Variants in MGAT5 observed in about 807,000 individuals in gnomAD.
The protein encoded by MGAT5 is alpha-1,6-mannosylglycoprotein 6-beta-N-acetylglucosaminyltransferase.
Under a neutral mutation model 94.3 loss-of-function variants are expected in MGAT5, and 30 were observed. The observed-to-expected ratio is 0.32, with a 90% CI of 0.24 to 0.43. The LOEUF is 0.43. MGAT5 is among the 20% of genes least tolerant of loss of function. The pLI, the probability that MGAT5 is intolerant of heterozygous loss-of-function variation, is 1.00. For missense variants in MGAT5, 691 were observed against 905.5 expected, an observed-to-expected ratio of 0.76 and a Z score of 3.04; for synonymous variants, 310 against 322.9, an observed-to-expected ratio of 0.96 and a Z score of 0.43.
At chr2:134,156,101 G>A (rs1687464365) in intron 1 of MGAT5, among the ~76,000 whole-genome samples, 2 of 152,148 alleles carry the variant, frequency 1.3e-5, no homozygotes, top group South Asian at 2.1e-4. Flanking sequence ...ACGCAGGCCT[G>A]GCCTCTACTG....
intron 10 of MGAT5, among the ~76,000 whole-genome samples, chr2:134,386,714 C>G (rs34011781): frequency 0.18 from 27,616 of 152,164 alleles, 2,669 homozygotes; most frequent in Middle Eastern, 0.27. Flanking sequence ...CTAGTCTTTA[C>G]CTACTCCTAG....
chr2:134,297,703 C>T (rs1305577776), intron 2 of MGAT5, among the ~76,000 whole-genome samples: 2 of 151,980 alleles, frequency 1.3e-5, no homozygotes, highest in African/African-American at 4.8e-5. Flanking sequence ...TCTCAACAAA[C>T]TAGGAAAAAC....
chr2:134,282,751 A>G (rs538799301), intron 2 of MGAT5, among the ~76,000 whole-genome samples: 2 of 152,326 alleles, frequency 1.3e-5, no homozygotes, highest in Non-Finnish European at 2.9e-5. Context: ...AGGGTAAGAA[A>G]TTAGCGAAGG....
chr2:134,178,358 C>T (rs1367091138), intron 1 of MGAT5, among the ~76,000 whole-genome samples: 3 of 152,160 alleles, frequency 2.0e-5, no homozygotes, highest in African/African-American at 7.2e-5. Flanking sequence ...AGGAAGATGT[C>T]CACCCCCAGG....
chr2:134,398,370 A>G (rs1324572996), intron 10 of MGAT5, among the ~76,000 whole-genome samples: 1 of 152,172 alleles, frequency 6.6e-6, no homozygotes, highest in East Asian at 1.9e-4. Flanking sequence ...AGCACTTCCC[A>G]GGGAGGACTA....
intron 1 of MGAT5, among the ~76,000 whole-genome samples, chr2:134,267,926 G>T (rs554573244): frequency 6.6e-6 from 1 of 152,376 alleles, no homozygotes; most frequent in African/African-American, 2.4e-5. Context: ...TGTCTCCACA[G>T]AGGGGCAGTG....
chr2:134,252,023 T>C (rs1682635877), upstream of MGAT5, among the ~76,000 whole-genome samples: 1 of 152,238 alleles, frequency 6.6e-6, no homozygotes, highest in African/African-American at 2.4e-5. Flanking sequence ...TTTAGCATAA[T>C]GTCCTTCGGG....
chr2:134,285,177 G>A (rs1334091176), intron 2 of MGAT5, among the ~76,000 whole-genome samples: 2 of 151,948 alleles, frequency 1.3e-5, no homozygotes, highest in Non-Finnish European at 2.9e-5. Flanking sequence ...GCCAAGTTAT[G>A]TAGGAAATTT....
At chr2:134,337,018 T>C (rs1688373423) in intron 5 of MGAT5, among the ~76,000 whole-genome samples, 1 of 152,166 alleles carries the variant, frequency 6.6e-6, no homozygotes, top group African/African-American at 2.4e-5. Context: ...GTTCTGCCAT[T>C]GTAGCGCAGA....
intron 1 of MGAT5, among the ~76,000 whole-genome samples, chr2:134,187,460 C>T (rs1246427486): frequency 2.0e-5 from 3 of 152,180 alleles, no homozygotes; most frequent in African/African-American, 7.2e-5. Context: ...CTGCTACCTT[C>T]CCTATGATTT....
chr2:134,259,615 GC>G, intron 1 of MGAT5, among the ~76,000 whole-genome samples: 1 of 152,272 alleles, frequency 6.6e-6, no homozygotes, highest in South Asian at 2.1e-4. Context: ...ATCCCACTTT[GC>G]CTGCTGCCTG....
chr2:134,317,549 GA>G lies in MGAT5; in HGVS notation c.432del (p.Lys144AsnfsTer20). 1.3e-6 allele frequency: 2 copies of G among 1,569,920 alleles called. No individual in the cohort carries two copies. Among genetic ancestry groups the G allele is most frequent in the Non-Finnish European group, 1.7e-6 (2 of 1,159,942 alleles). ...NVADIINGAQ[E>X]KCVLPPMDGY... is the part of the protein sequence containing the mutation. Reference sequence around the variant, plus strand: ...CACAGATATCATTAACGGAGCTCAAGAAAAATGTGTATTGCCTCCTATGGAC... The same window carrying G: ...CACAGATATCATTAACGGAGCTCAAGAAAATGTGTATTGCCTCCTATGGAC... On this transcript the variant is annotated frameshift_variant, in exon 3 of 16. Coordinates refer to ENST00000281923, the MANE Select transcript of MGAT5 (RefSeq NM_002410.5). LOFTEE classifies it high-confidence loss of function.
At chr2:134,206,066 A>G (rs1474559637) in intron 1 of MGAT5, among the ~76,000 whole-genome samples, 1 of 152,198 alleles carries the variant, frequency 6.6e-6, no homozygotes, top group Admixed American at 6.5e-5. Flanking sequence ...TATATTTGTG[A>G]TAGGGATTAT....
At chr2:134,261,471 C>T (rs1261686688) in intron 1 of MGAT5, among the ~76,000 whole-genome samples, 6 of 152,158 alleles carry the variant, frequency 3.9e-5, no homozygotes, top group Non-Finnish European at 5.9e-5. Flanking sequence ...GCTGAGCATT[C>T]GCCTGTCTTT....
At chr2:134,400,163 G>A (rs944167593) in intron 10 of MGAT5, among the ~76,000 whole-genome samples, 2 of 152,158 alleles carry the variant, frequency 1.3e-5, no homozygotes, top group Admixed American at 1.3e-4. Context: ...GTGCAAAACT[G>A]GTGTAGGTAC....
intron 6 of MGAT5, among the ~76,000 whole-genome samples, chr2:134,340,406 C>T (rs1300408442): frequency 6.6e-6 from 1 of 152,070 alleles, no homozygotes; most frequent in Non-Finnish European, 1.5e-5. Flanking sequence ...AACTTAGGAG[C>T]CAGCTTGGAT....
intron 13 of MGAT5, among the ~76,000 whole-genome samples, chr2:134,423,392 A>G (rs561468993): frequency 5.9e-5 from 9 of 152,206 alleles, no homozygotes; most frequent in Non-Finnish European, 1.3e-4. Context: ...GATCAATTCA[A>G]CAGACATTTG....
intron 1 of MGAT5, among the ~76,000 whole-genome samples, chr2:134,166,022 G>T (rs1381858554): frequency 6.6e-6 from 1 of 152,164 alleles, no homozygotes; most frequent in Non-Finnish European, 1.5e-5. Context: ...CACATAGCAG[G>T]TTCTCACTAT....
At chr2:134,232,941 T>A (rs1681445830) in intron 1 of MGAT5, among the ~76,000 whole-genome samples, 2 of 152,204 alleles carry the variant, frequency 1.3e-5, no homozygotes, top group African/African-American at 4.8e-5. Context: ...AAGAATACAT[T>A]TGAGTAATGT....
Sources: gnomAD v4.1 joint callset for allele counts (sites outside exome capture counted in the v4.1 genomes callset) on GRCh38, gnomAD v4.1.1 for gene constraint, MANE v1.5 for transcripts, NCBI Gene and HGNC (gene_info 2026-07-23, HGNC 2026-07-21) for gene names.